Variants in WWC2 observed in about 807,000 individuals in gnomAD.
WWC2 encodes WW and C2 domain containing 2, also known as protein WWC2.
A neutral mutation model predicts 138.5 loss-of-function variants in WWC2; 101 were observed. The ratio of observed to expected loss-of-function variants is 0.73; its 90% CI spans 0.62 to 0.86. The LOEUF is 0.86. Among genes scored for constraint, WWC2 ranks in the 40% least tolerant of loss-of-function variants. The pLI is 0.00. For missense variants in WWC2, 1,420 were observed against 1,419.4 expected, an observed-to-expected ratio of 1.00 and a Z score of -0.01; for synonymous variants, 558 against 538.4, an observed-to-expected ratio of 1.04 and a Z score of -0.50.
chr4:183,111,754 C>T (rs377766536), intron 1 of WWC2, among the ~76,000 whole-genome samples: 1 of 151,102 alleles, frequency 6.6e-6, no homozygotes, highest in Non-Finnish European at 1.5e-5. Flanking sequence ...AGTGCAGTGG[C>T]GTGATCATGG....
At chr4:183,155,221 A>AGAGAGAGAGAGAGAGTGAGT (rs61543148) in intron 1 of WWC2, among the ~76,000 whole-genome samples, 1 of 135,184 alleles carries the variant, frequency 7.4e-6, no homozygotes, top group African/African-American at 2.8e-5. Context: ...AGAGAGAGAG[A>AGAGAGAGAGAGAGAGTGAGT]GAGTTAGTTG....
intron 21 of WWC2, among the ~76,000 whole-genome samples, chr4:183,298,171 T>A (rs140606077): frequency 6.2e-4 from 95 of 152,350 alleles, no homozygotes; most frequent in African/African-American, 2.1e-3. Context: ...AAGATACATC[T>A]AAATAAAATT....
At position 183,289,474 on chromosome 4, in the gene WWC2, G is replaced by C; in HGVS notation, c.3223G>C (p.Ala1075Pro). Residue 1075 changes from alanine (A) to proline (P), a missense_variant, in exon 21 of 23, where the codon GCA (alanine) becomes CCA (proline). Coordinates refer to ENST00000403733, the MANE Select transcript of WWC2 (RefSeq NM_024949.6). ...TSLDLELDLQASLTRQSRLND... is the reference protein window; with the variant it reads ...TSLDLELDLQPSLTRQSRLND... ...TCTAGACTTAGAACTGGACCTTCAG[G>C]CATCTCTGACCCGGCAGAGCCGCCT... 1 of 1,613,540 alleles carries C rather than the reference G, an allele frequency of 6.2e-7. No individual in the cohort carries two copies. Among genetic ancestry groups the C allele is most frequent in the Non-Finnish European group, 8.5e-7 (1 of 1,179,696 alleles).
At chr4:183,264,510 A>G (rs1175444901) in intron 11 of WWC2, among the ~76,000 whole-genome samples, 2 of 152,222 alleles carry the variant, frequency 1.3e-5, no homozygotes, top group Non-Finnish European at 2.9e-5. Context: ...TTCTGTTAGA[A>G]TAGTAGCACA....
intron 18 of WWC2, 108 bp downstream of exon 18, chr4:183,283,014 T>G: frequency 1.7e-6 from 2 of 1,181,284 alleles, no homozygotes; most frequent in Non-Finnish European, 2.3e-6. Context: ...CAGGATTTTG[T>G]GCCAAAAGCT....
intron 1 of WWC2, among the ~76,000 whole-genome samples, chr4:183,105,123 G>T (rs905762356): frequency 5.9e-5 from 9 of 152,106 alleles, no homozygotes; most frequent in Non-Finnish European, 1.2e-4. Context: ...TGGCCAGGCT[G>T]GTCTCAAACT....
At position 183,282,786 on chromosome 4, in the gene WWC2, C is replaced by T. The variant is rs1236029270; in HGVS notation, c.2763C>T (p.Ser921=). ...EAEVKLPEDS[S]CTEDLSSCTS... is the part of the protein sequence containing the mutation. ...AAGTTAAATTGCCAGAGGACAGTAGCTGTACAGAAGATTTAAGTTCATGCA... is the reference window on the plus strand; with the variant it reads ...AAGTTAAATTGCCAGAGGACAGTAGTTGTACAGAAGATTTAAGTTCATGCA... Residue 921 remains serine, a synonymous_variant, in exon 18 of 23, where the codon AGC becomes AGT. Coordinates refer to ENST00000403733, the MANE Select transcript of WWC2 (RefSeq NM_024949.6). 2.5e-6 allele frequency: 4 copies of T among 1,583,114 alleles called. No individual in the cohort carries two copies. The East Asian group carries it at 9.2e-5, about 36-fold the overall frequency.
intron 21 of WWC2, among the ~76,000 whole-genome samples, chr4:183,291,368 G>A (rs1033283931): frequency 2.0e-5 from 3 of 152,214 alleles, no homozygotes; most frequent in South Asian, 2.1e-4. Context: ...ACAGCAGGTG[G>A]AAGGTAGTCT....
intron 20 of WWC2, among the ~76,000 whole-genome samples, chr4:183,286,612 G>A (rs1031232626): frequency 6.6e-6 from 1 of 152,150 alleles, no homozygotes; most frequent in Admixed American, 6.5e-5. Context: ...GAATTAACAG[G>A]TTGGTCTGTT....
At chr4:183,297,388 G>A (rs1036177743) in intron 21 of WWC2, among the ~76,000 whole-genome samples, 24 of 151,732 alleles carry the variant, frequency 1.6e-4, no homozygotes, top group African/African-American at 5.8e-4. Context: ...TGTTATGATT[G>A]TGGTAGAGCC....
At chr4:183,125,698 A>G (rs1732737117) in intron 1 of WWC2, among the ~76,000 whole-genome samples, 1 of 152,184 alleles carries the variant, frequency 6.6e-6, no homozygotes, top group Admixed American at 6.5e-5. Context: ...TTAATATCGA[A>G]GTAGAAAACT....
At chr4:183,178,431 T>TAGCC (rs1734526544) in intron 1 of WWC2, among the ~76,000 whole-genome samples, 2 of 148,842 alleles carry the variant, frequency 1.3e-5, no homozygotes, top group South Asian at 4.2e-4. Context: ...TTTAAAAAAT[T>TAGCC]AGCCAGGCAT....
chr4:183,119,141 A>G (rs886400002), intron 1 of WWC2, among the ~76,000 whole-genome samples: 7 of 152,208 alleles, frequency 4.6e-5, no homozygotes, highest in Middle Eastern at 3.4e-3. Context: ...GTTTACCTAA[A>G]TTAGTGGTGG....
rs13123404 is a variant in WWC2 at position 183,299,873 on chromosome 4, G to A, written c.3384+10238G>A. On this transcript the variant is annotated intron_variant, in intron 21 of 22. Transcript: ENST00000403733. ...CATAAAAAATATGGCTCCCAGAAAAGCAATGAATCGAAGCCAGCAGCAGAT... is the reference window on the plus strand; with the variant it reads ...CATAAAAAATATGGCTCCCAGAAAAACAATGAATCGAAGCCAGCAGCAGAT... Among the ~76,000 whole-genome samples the A allele has an allele frequency of 2.4e-3, 372 of 152,232 alleles. 1 individual carries two copies. The highest frequency in any genetic ancestry group is 4.4e-3 in the Non-Finnish European group (299 of 68,014).
chr4:183,237,396 CTGATTGCTGTGGCTCTTT>C (rs1368930423), intron 4 of WWC2, among the ~76,000 whole-genome samples: 1 of 151,554 alleles, frequency 6.6e-6, no homozygotes, highest in Non-Finnish European at 1.5e-5. Flanking sequence ...GAATGAGCTA[CTGATTGCTGTGGCTCTTT>C]TGATATGATA....
rs1349954199 is a variant in WWC2, at chr4:183,316,659, A to G, written c.*930A>G. 6.6e-6 allele frequency: 1 copy of G among 152,204 alleles called. No individual in the cohort carries two copies. Among genetic ancestry groups the G allele is most frequent in the Non-Finnish European group, 1.5e-5 (1 of 68,040 alleles). The allele number at this position is 152,204 out of a possible 1,614,324, so 9.4% of individuals were successfully genotyped here. Reference sequence around the variant, plus strand: ...GAGGGGTGGAGGGAAATGCATCGGCACTCATTTGGTGTAACCAAGAAGAGG... The same window carrying G: ...GAGGGGTGGAGGGAAATGCATCGGCGCTCATTTGGTGTAACCAAGAAGAGG... On this transcript the variant is annotated 3_prime_UTR_variant, in exon 23 of 23. Coordinates refer to ENST00000403733, the MANE Select transcript of WWC2 (RefSeq NM_024949.6).
chr4:183,106,268 G>A (rs1007697364), intron 1 of WWC2, among the ~76,000 whole-genome samples: 39 of 152,112 alleles, frequency 2.6e-4, no homozygotes, highest in African/African-American at 9.2e-4. Context: ...ACAGGCATGA[G>A]CCACCACGCC....
intron 1 of WWC2, among the ~76,000 whole-genome samples, chr4:183,186,165 C>T (rs1052542626): frequency 3.3e-5 from 5 of 152,140 alleles, no homozygotes; most frequent in African/African-American, 1.2e-4. Flanking sequence ...AGGATGGTCT[C>T]GATCTCCTGA....
At chr4:183,121,342 G>T (rs2152890196) in intron 1 of WWC2, among the ~76,000 whole-genome samples, 1 of 150,498 alleles carries the variant, frequency 6.6e-6, no homozygotes, top group Middle Eastern at 3.4e-3. Flanking sequence ...TTCAGATTTT[G>T]GATTTTTTTT....
Sources: allele counts gnomAD v4.1 joint callset (sites outside exome capture counted in the v4.1 genomes callset), GRCh38; gene constraint gnomAD v4.1.1; transcripts MANE v1.5; gene names NCBI Gene and HGNC (gene_info 2026-07-23, HGNC 2026-07-21).